ANO8: variants seen among roughly 807,000 people sequenced by gnomAD.
ANO8 encodes the protein anoctamin 8, also known as anoctamin-8.
A neutral mutation model predicts 120.4 loss-of-function variants in ANO8; 67 were observed. The observed-to-expected ratio is 0.56, with a 90% CI of 0.46 to 0.68. ANO8 has a LOEUF of 0.68. ANO8 is among the 30% of genes least tolerant of loss of function. ANO8 has a pLI of 0.00. For synonymous variants in ANO8, 727 were observed against 759.2 expected, an observed-to-expected ratio of 0.96 and a Z score of 0.70; for missense variants, 1,526 against 1,737.6, an observed-to-expected ratio of 0.88 and a Z score of 2.16.
intron 13 of ANO8, 57 bp downstream of exon 13, chr19:17,328,105 G>T (rs1191230541): frequency 3.4e-6 from 5 of 1,465,164 alleles, no homozygotes; most frequent in Non-Finnish European, 4.5e-6. Flanking sequence ...ACCCTCGGAC[G>T]GTGTGTCCCG....
intron 12 of ANO8, 147 bp from the exon 13 acceptor site, chr19:17,329,130 G>A (rs940941359): frequency 1.7e-6 from 1 of 600,660 alleles, no homozygotes; most frequent in Non-Finnish European, 2.7e-6. Context: ...CTTTGGACGC[G>A]CCTCGACGCG....
At position 17,325,072 on chromosome 19, in the gene ANO8, C is replaced by T. The variant is rs1185592017; in HGVS notation, c.2976G>A (p.Gly992=). Residue 992 remains glycine (G), a synonymous_variant, in exon 17 of 18, where the codon GGG becomes GGA. Coordinates refer to ENST00000159087, the MANE Select transcript of ANO8 (RefSeq NM_020959.3). ...CTGCAGCAGCCAGTGAGGATGTGGCCCCTGACGAGAGGAATTTGCCCTGCA... is the reference window on the plus strand; with the variant it reads ...CTGCAGCAGCCAGTGAGGATGTGGCTCCTGACGAGAGGAATTTGCCCTGCA... ...IPLQGKFLSS[G]ATSSLAAAGA... is the part of the protein sequence containing the mutation. 1 of 1,613,578 alleles carries T rather than the reference C, an allele frequency of 6.2e-7. No individual in the cohort carries two copies. The highest frequency in any genetic ancestry group is 1.3e-5 in the African/African-American group (1 of 75,054).
intron 5 of ANO8, 126 bp downstream of exon 5, chr19:17,332,804 T>G: frequency 9.6e-7 from 1 of 1,043,262 alleles, no homozygotes; most frequent in East Asian, 2.5e-5. Context: ...GCTCATTGGT[T>G]TCCTAACTCT....
At position 17,327,770 on chromosome 19, in the gene ANO8, C is replaced by A. The variant is rs775411154; in HGVS notation, c.2337G>T (p.Glu779Asp). 6.2e-6 allele frequency: 10 copies of A among 1,614,068 alleles called. No homozygotes were observed. In the Admixed American group the frequency reaches 8.3e-5, roughly 13 times the overall value. The change falls in exon 14 of 18, where the codon GAG becomes GAT. Residue 779 changes from glutamate (E) to aspartate (D), a missense_variant. This residue lies in a region of ANO8 where 77 missense variants were observed against 131.5 expected (regional missense o/e 0.59). Transcript: ENST00000159087. Reference protein sequence around the residue: ...ALCALVNNLIEIRSDAFKLCT... With the variant: ...ALCALVNNLIDIRSDAFKLCT... ...ACAGCTTGAAGGCGTCGCTGCGGATCTCAATGAGGTTGTTGACCAGGGCGC... is the reference window on the plus strand; with the variant it reads ...ACAGCTTGAAGGCGTCGCTGCGGATATCAATGAGGTTGTTGACCAGGGCGC...
Position 17,329,895 on chromosome 19 carries a change from G to A in ANO8, c.1329+64C>T. On this transcript the variant is annotated intron_variant, in intron 11 of 17. Coordinates refer to ENST00000159087, the MANE Select transcript of ANO8 (RefSeq NM_020959.3). ...CACCCGACTCCTTGGAGCCTTCCTTGTGCCCCATACAGACGGCACAGCTTC... is the reference window on the plus strand; with the variant it reads ...CACCCGACTCCTTGGAGCCTTCCTTATGCCCCATACAGACGGCACAGCTTC... 8.1e-6 allele frequency: 13 copies of A among 1,613,692 alleles called. No homozygotes were observed. In the South Asian group the frequency reaches 1.3e-4, roughly 16 times the overall value.
chr19:17,323,588 CG>C lies in ANO8; in HGVS notation c.3627del (p.Glu1210ArgfsTer109). The C allele has an allele frequency of 9.6e-7, 1 of 1,041,312 alleles. No individual in the cohort carries two copies. Among genetic ancestry groups the C allele is most frequent in the Non-Finnish European group, 1.2e-6 (1 of 866,982 alleles). 64.5% of individuals were successfully genotyped at this position (1,041,312 alleles called of 1,614,324 possible). ...GGGCTAGGGGAGGGCGCTGGGGTCT[CG>C]AGGGGATCCGAGGTGGGCGGTAGCG... ...PPPLPPTSDP[L>X]ETPAPSPSPS... On this transcript the variant is annotated frameshift_variant, in exon 18 of 18. Coordinates refer to ENST00000159087, the MANE Select transcript of ANO8 (RefSeq NM_020959.3). LOFTEE classifies it high-confidence loss of function.
In ANO8 at chr19:17,328,521, C is replaced by G. The variant is rs1302896631; in HGVS notation, c.1867G>C (p.Gly623Arg). ...RLKKVSFAER[G>R]AGRRRPGPSP... ...GGGCCGGGCCGACGCCGCCCCGCGC[C>G]GCGCTCAGCGAAGCTGACCTTCTTC... Residue 623 changes from glycine to arginine, a missense_variant, in exon 13 of 18, where the codon GGC (glycine) becomes CGC (arginine). Around this residue, in one of 8 missense-constraint regions of ANO8, gnomAD observed 467 missense variants for 425.8 expected, o/e 1.10. Coordinates refer to ENST00000159087, the MANE Select transcript of ANO8 (RefSeq NM_020959.3). 1.3e-6 allele frequency: 2 copies of G among 1,551,490 alleles called. No homozygotes were observed. Among genetic ancestry groups the G allele is most frequent in the Non-Finnish European group, 1.7e-6 (2 of 1,149,506 alleles).
At position 17,330,269 on chromosome 19, in the gene ANO8, TCAGGGCTCATCCCAGCTG is replaced by T. The variant is rs754184980; in HGVS notation, c.1147-36_1147-19del. The T allele has an allele frequency of 1.2e-6, 2 of 1,613,792 alleles. No individual in the cohort carries two copies. Among genetic ancestry groups the T allele is most frequent in the South Asian group, 1.1e-5 (1 of 91,072 alleles). Reference sequence around the variant, plus strand: ...ACCAGCTCCTGCGGGAGAAGGGGGTTCAGGGCTCATCCCAGCTGCAGGGCTCAGCCCAAGGTGGAGCTA... The same window carrying T: ...ACCAGCTCCTGCGGGAGAAGGGGGTTCAGGGCTCAGCCCAAGGTGGAGCTA... On this transcript the variant is annotated intron_variant, in intron 9 of 17. Transcript: ENST00000159087.
At position 17,332,930 on chromosome 19, in the gene ANO8, T is replaced by C; in HGVS notation, c.586A>G (p.Ile196Val). The C allele has an allele frequency of 6.2e-7, 1 of 1,614,116 alleles. No homozygotes were observed. The highest frequency in any genetic ancestry group is 1.1e-5 in the South Asian group (1 of 91,082). Residue 196 changes from isoleucine to valine, a missense_variant and splice_region_variant, in exon 5 of 18, where the codon ATC becomes GTC. Ile to Val is a conservative substitution (Grantham distance 29, BLOSUM62 3). Transcript: ENST00000159087. ...NVRFLEDQPI[I>V]PELAARGIIQ... Reference sequence around the variant, plus strand: ...TTGGTGTTGACCCCGCCCTGCTCACTGATTGGCTGGTCCTCCAGGAAGCGC... The same window carrying C: ...TTGGTGTTGACCCCGCCCTGCTCACCGATTGGCTGGTCCTCCAGGAAGCGC...
Position 17,333,571 on chromosome 19 carries a change from G to T in ANO8, c.218-17C>A. On this transcript the variant is annotated splice_polypyrimidine_tract_variant and intron_variant, in intron 2 of 17. Coordinates refer to ENST00000159087, the MANE Select transcript of ANO8 (RefSeq NM_020959.3). The surrounding 1 kb of genome is among the most constrained non-coding windows in gnomAD (Gnocchi z 7.2). ...CGGTCGTGTCTGCCAAGGGGCACAG[G>T]GACCGATGGCTCCTGCCACGAGGGG... 2 of 1,612,114 alleles carry T rather than the reference G, an allele frequency of 1.2e-6. No homozygotes were observed. The highest frequency in any genetic ancestry group is 1.3e-5 in the African/African-American group (1 of 74,966).
rs2074250614 is a variant in ANO8, at chr19:17,323,411, AT to A, written c.*105del. 8.4e-7 allele frequency: 1 copy of A among 1,196,704 alleles called. No homozygotes were observed. Among genetic ancestry groups the A allele is most frequent in the East Asian group, 2.9e-5 (1 of 34,336 alleles). The allele number at this position is 1,196,704 out of a possible 1,614,324, so 74.1% of individuals were successfully genotyped here. A position where few individuals can be genotyped will look rare whatever the true frequency, so the allele number is the denominator to read the frequency against. ...AACGGCAGATGGGGGGCACCGACCA[AT>A]ACTGGGGGCCCTCGGGGGCTGAAGC... On this transcript the variant is annotated 3_prime_UTR_variant, in exon 18 of 18. Coordinates refer to ENST00000159087, the MANE Select transcript of ANO8 (RefSeq NM_020959.3).
rs757030485 is a variant in ANO8, at chr19:17,327,542, C to T, written c.2446G>A (p.Ala816Thr). The T allele has an allele frequency of 6.2e-7, 1 of 1,613,460 alleles. No homozygotes were observed. Among genetic ancestry groups the T allele is most frequent in the Non-Finnish European group, 8.5e-7 (1 of 1,179,888 alleles). ...ATTAAGTAGCAGTTGACCACAATCG[C>T]TAGGACACCCATGGCCTCCATCACC... ...QKVMEAMGVL[A>T]IVVNCYLIGQ... Residue 816 changes from alanine (A) to threonine (T), a missense_variant, in exon 15 of 18, where the codon GCG becomes ACG. Coordinates refer to ENST00000159087, the MANE Select transcript of ANO8 (RefSeq NM_020959.3).
At chr19:17,327,649 C>T in intron 14 of ANO8, 40 bp downstream of exon 14, 1 of 1,607,792 alleles carries the variant, frequency 6.2e-7, no homozygotes. Flanking sequence ...CACCTGGGCT[C>T]CCTCTGGGCC....
rs769701832 is a variant in ANO8 at position 17,324,702 on chromosome 19, G to A, written c.3331+15C>T. On this transcript the variant is annotated intron_variant, in intron 17 of 17. Coordinates refer to ENST00000159087, the MANE Select transcript of ANO8 (RefSeq NM_020959.3). The stretch of plus-strand genomic sequence containing the variant: ...GCCGGCCCGGCGTCCCCACCCCCGA[G>A]TTAAAGCTTGTGACCTGAGCCTTCC... 2.0e-6 allele frequency: 3 copies of A among 1,516,556 alleles called. No homozygotes were observed. Among genetic ancestry groups the A allele is most frequent in the Non-Finnish European group, 2.6e-6 (3 of 1,134,418 alleles). 93.9% of individuals were successfully genotyped at this position (1,516,556 alleles called of 1,614,324 possible).
rs749138841 is a variant in ANO8, at chr19:17,333,040, G to T, written c.490-14C>A. Reference sequence around the variant, plus strand: ...GCTCTGGCGTTCCTGCGAGGAAGAGGGCGTGAGCTCAGGGAACTCATAGGC... The same window carrying T: ...GCTCTGGCGTTCCTGCGAGGAAGAGTGCGTGAGCTCAGGGAACTCATAGGC... On this transcript the variant is annotated splice_polypyrimidine_tract_variant and intron_variant, in intron 4 of 17. Coordinates refer to ENST00000159087, the MANE Select transcript of ANO8 (RefSeq NM_020959.3). The surrounding 1 kb of genome is among the most constrained non-coding windows in gnomAD (Gnocchi z 7.2). 129 of 1,613,940 alleles carry T rather than the reference G, an allele frequency of 8.0e-5. No individual in the cohort carries two copies. The highest frequency in any genetic ancestry group is 1.0e-4 in the Non-Finnish European group (121 of 1,180,032).
Position 17,327,230 on chromosome 19 carries a change from C to G in ANO8, c.2661+5G>C, listed in dbSNP as rs2074278337. 22 of 1,529,208 alleles carry G rather than the reference C, an allele frequency of 1.4e-5. No homozygotes were observed. Among genetic ancestry groups the G allele is most frequent in the South Asian group, 2.4e-5 (2 of 82,532 alleles). The allele number at this position is 1,529,208 out of a possible 1,614,324, so 94.7% of individuals were successfully genotyped here. ...AGAAAACCGAGCCCAGCCTGGCCCC[C>G]CTACCTTAAAGGCCTCGCGGCGCTG... is the stretch of plus-strand genomic sequence containing the variant. On this transcript the variant is annotated splice_donor_5th_base_variant and intron_variant, in intron 16 of 17. Transcript: ENST00000159087.
chr19:17,326,294 G>A (rs2074273383), intron 16 of ANO8, among the ~76,000 whole-genome samples: 1 of 152,174 alleles, frequency 6.6e-6, no homozygotes, highest in Admixed American at 6.5e-5. Flanking sequence ...TTGAGGTTAG[G>A]AGTTGGAGAC....
At chr19:17,334,492 C>T in intron 1 of ANO8, 73 bp downstream of exon 1, 1 of 1,292,990 alleles carries the variant, frequency 7.7e-7, no homozygotes, top group Non-Finnish European at 1.1e-6. Flanking sequence ...GACCCTGATC[C>T]TCCTCCCCGT....
chr19:17,327,605 C>A (rs558788957), intron 14 of ANO8, 36 bp from the exon 15 acceptor site: 2 of 1,610,928 alleles, frequency 1.2e-6, no homozygotes, highest in African/African-American at 1.3e-5. Context: ...CGGGGTCCAG[C>A]CGGCCTCCCC....
Sources: gnomAD v4.1 joint callset for allele counts (sites outside exome capture counted in the v4.1 genomes callset) on GRCh38, gnomAD v4.1.1 for gene constraint, gnomAD v4.1.1 regional missense constraint, Gnocchi (gnomAD v3.1) non-coding constraint, MANE v1.5 for transcripts, NCBI Gene and HGNC (gene_info 2026-07-23, HGNC 2026-07-21) for gene names.